The following LMBRD2 variants were observed in gnomAD, a reference collection of about 807,000 sequenced individuals.
The protein encoded by LMBRD2 is LMBR1 domain containing 2.
LMBRD2 carries 55 observed loss-of-function variants against 94.4 expected under a neutral mutation model. The ratio of observed to expected loss-of-function variants is 0.58; its 90% confidence interval spans 0.47 to 0.73. The LOEUF (loss-of-function observed/expected upper bound fraction) is 0.73. Among genes scored for constraint, LMBRD2 ranks in the 30% least tolerant of loss-of-function variants. LMBRD2 has a pLI of 0.00. For synonymous variants in LMBRD2, 246 were observed against 272.4 expected, an observed-to-expected ratio of 0.90 and a Z score of 0.95; for missense variants, 640 against 831.9, an observed-to-expected ratio of 0.77 and a Z score of 2.84.
At chr5:36,137,186 C>G (rs1744291667) in intron 5 of LMBRD2, 88 bp downstream of exon 5, 1 of 832,530 alleles carries the variant, frequency 1.2e-6, no homozygotes, top group South Asian at 3.0e-5. Flanking sequence ...AATGAAATGT[C>G]TTTTTACCTG....
intron 14 of LMBRD2, among the ~76,000 whole-genome samples, chr5:36,110,359 C>T (rs1743575320): frequency 6.6e-6 from 1 of 151,924 alleles, no homozygotes; most frequent in East Asian, 1.9e-4. Context: ...CTTTAGGTTA[C>T]AGACAAGATG....
At chr5:36,144,959 T>A (rs1439912604) in intron 1 of LMBRD2, among the ~76,000 whole-genome samples, 1 of 152,174 alleles carries the variant, frequency 6.6e-6, no homozygotes. Flanking sequence ...AAAATTGAAC[T>A]TCTTTCATCA....
At position 36,136,424 on chromosome 5, in the gene LMBRD2, C is replaced by G; in HGVS notation, c.632G>C (p.Arg211Pro). Residue 211 changes from arginine (R) to proline (P), a missense_variant, in exon 6 of 18, where the codon CGA becomes CCA. Transcript: ENST00000296603. ...CCTTTTTGCTCCATTCCAGTATGAT[C>G]GAGGAATTTCCACCAAGCCATACCC... ...LLGYGLVEIPRSYWNGAKRGY... is the reference protein window; with the variant it reads ...LLGYGLVEIPPSYWNGAKRGY... 1 of 1,613,892 alleles carries G rather than the reference C, an allele frequency of 6.2e-7. No homozygotes were observed. The highest frequency in any genetic ancestry group is 8.5e-7 in the Non-Finnish European group (1 of 1,179,894).
At chr5:36,121,132 T>C (rs921598146) in intron 9 of LMBRD2, among the ~76,000 whole-genome samples, 2 of 152,236 alleles carry the variant, frequency 1.3e-5, no homozygotes, top group Non-Finnish European at 2.9e-5. Flanking sequence ...TATGCCTTTA[T>C]ATGTTTATTG....
chr5:36,122,671 A>C (rs1743914649), intron 8 of LMBRD2, among the ~76,000 whole-genome samples, 177 bp downstream of exon 8: 1 of 152,222 alleles, frequency 6.6e-6, no homozygotes, highest in Non-Finnish European at 1.5e-5. Flanking sequence ...CCCTCCCCAA[A>C]CGCCAATAAT....
chr5:36,137,429 AG>A lies in LMBRD2; in HGVS notation c.380del (p.Pro127LeufsTer22). 2 of 1,567,408 alleles carry A rather than the reference AG, an allele frequency of 1.3e-6. No homozygotes were observed. On this transcript the variant is annotated frameshift_variant, in exon 5 of 18. Transcript: ENST00000296603. LOFTEE classifies it high-confidence loss of function. The stretch of plus-strand genomic sequence containing the variant: ...CTGATCTTGCATATGACTGCATAAA[AG>A]GTAAGAGAATCCTAGATGGATAGAA... ...TSQFLTWILL[P>X]FMQSYARSGG...
intron 4 of LMBRD2, among the ~76,000 whole-genome samples, chr5:36,138,813 A>C (rs959405174): frequency 1.3e-5 from 2 of 152,272 alleles, no homozygotes; most frequent in Admixed American, 1.3e-4. Flanking sequence ...TCTTTTCAAA[A>C]GATGAGAGAA....
chr5:36,138,998 G>C (rs1296032522), intron 4 of LMBRD2, among the ~76,000 whole-genome samples: 1 of 152,180 alleles, frequency 6.6e-6, no homozygotes, highest in East Asian at 1.9e-4. Flanking sequence ...CATGGAGCTA[G>C]CAGGAGCTGG....
chr5:36,116,417 CAAT>C (rs762392879), intron 11 of LMBRD2, 40 bp downstream of exon 11: 3 of 1,572,924 alleles, frequency 1.9e-6, no homozygotes, highest in East Asian at 4.5e-5. Context: ...AGAATACACT[CAAT>C]GATGACATTT....
rs1743912266 is a variant in LMBRD2 at position 36,122,581 on chromosome 5, G to A, written c.937-118C>T. The A allele has an allele frequency of 8.6e-6, 8 of 928,106 alleles. No individual in the cohort carries two copies. In the Admixed American group the frequency reaches 9.0e-5, roughly 10 times the overall value. The allele number at this position is 928,106 out of a possible 1,614,324, so 57.5% of individuals were successfully genotyped here. A position where few individuals can be genotyped will look rare whatever the true frequency, so the allele number is the denominator to read the frequency against. ...TGGGAAAGTGCTAGGGCATTTACTG[G>A]GTCAGGCTGAGAATATTAATGTTCC... On this transcript the variant is annotated intron_variant, in intron 8 of 17. Transcript: ENST00000296603.
chr5:36,146,328 G>T (rs1744537116), intron 1 of LMBRD2, among the ~76,000 whole-genome samples: 1 of 152,110 alleles, frequency 6.6e-6, no homozygotes, highest in Non-Finnish European at 1.5e-5. Context: ...TTAAAATCAA[G>T]GTGTCAGCAG....
chr5:36,116,786 C>T (rs890072895), intron 10 of LMBRD2, among the ~76,000 whole-genome samples, 193 bp from the exon 11 acceptor site: 8 of 152,138 alleles, frequency 5.3e-5, no homozygotes, highest in African/African-American at 1.7e-4. Context: ...AAGTGATTCT[C>T]CTGCCTCAGC....
intron 13 of LMBRD2, among the ~76,000 whole-genome samples, chr5:36,112,157 C>T (rs3853246): frequency 0.31 from 47,101 of 151,948 alleles, 8,107 homozygotes; most frequent in Non-Finnish European, 0.39. Context: ...CTAGCTAATC[C>T]ATAATATATC....
At chr5:36,147,424 T>A (rs1744576352) in intron 1 of LMBRD2, among the ~76,000 whole-genome samples, 1 of 152,142 alleles carries the variant, frequency 6.6e-6, no homozygotes, top group Non-Finnish European at 1.5e-5. Flanking sequence ...TTCAGTTCCA[T>A]GTGATTAAGC....
In LMBRD2 at chr5:36,100,974, T is replaced by C. The variant is rs184669483; in HGVS notation, c.*3072A>G. 6.6e-6 allele frequency: 1 copy of C among 152,178 alleles called. No individual in the cohort carries two copies. Among genetic ancestry groups the C allele is most frequent in the Admixed American group, 6.5e-5 (1 of 15,270 alleles). 9.4% of individuals were successfully genotyped at this position (152,178 alleles called of 1,614,324 possible). ...ATACATGCAGCTTAAATTTCAGAAC[T>C]GATCATCTAATCAAATAGTAGTCCA... On this transcript the variant is annotated 3_prime_UTR_variant, in exon 18 of 18. Transcript: ENST00000296603.
chr5:36,135,086 T>A (rs1293940362), intron 6 of LMBRD2, among the ~76,000 whole-genome samples: 1 of 152,186 alleles, frequency 6.6e-6, no homozygotes, highest in Non-Finnish European at 1.5e-5. Flanking sequence ...GACAGAGTAG[T>A]TGCAATAGAA....
rs1743432197 is a variant in LMBRD2, at chr5:36,105,080, G to A, written c.2015C>T (p.Ser672Phe). 6.2e-7 allele frequency: 1 copy of A among 1,612,220 alleles called. No homozygotes were observed. The highest frequency in any genetic ancestry group is 1.7e-5 in the Admixed American group (1 of 59,870). Residue 672 changes from serine (S) to phenylalanine (F), a missense_variant, in exon 17 of 18, where the codon TCT becomes TTT. Around this residue, in one of 2 missense-constraint regions of LMBRD2, gnomAD observed 183 missense variants for 189.1 expected, o/e 0.97. Transcript: ENST00000296603. ...AGCCAGAACTTACCTTCCTGATTCAGATTCAAGAGGATCATCAGTGAATGT... is the reference window on the plus strand; with the variant it reads ...AGCCAGAACTTACCTTCCTGATTCAAATTCAAGAGGATCATCAGTGAATGT... Reference protein sequence around the residue: ...AETFTDDPLESESGRYQPGGR... With the variant: ...AETFTDDPLEFESGRYQPGGR...
intron 10 of LMBRD2, 71 bp downstream of exon 10, chr5:36,117,664 A>T (rs1743789565): frequency 9.2e-7 from 1 of 1,086,642 alleles, no homozygotes; most frequent in African/African-American, 1.6e-5. Flanking sequence ...TAGAAGAAAT[A>T]CATGGAGAAA....
intron 4 of LMBRD2, among the ~76,000 whole-genome samples, chr5:36,137,659 A>T (rs1036475720): frequency 1.3e-5 from 2 of 152,232 alleles, no homozygotes. Context: ...TAAAGCCTTT[A>T]TGAAGAGTCT....
Sources: gnomAD v4.1 joint callset for allele counts (sites outside exome capture counted in the v4.1 genomes callset) on GRCh38, gnomAD v4.1.1 for gene constraint, gnomAD v4.1.1 regional missense constraint, MANE v1.5 for transcripts, NCBI Gene and HGNC (gene_info 2026-07-23, HGNC 2026-07-21) for gene names.